GSE1: variants seen among roughly 807,000 people sequenced by gnomAD.
The protein encoded by GSE1 is Gse1 coiled-coil protein.
Under a neutral mutation model 112.6 loss-of-function variants are expected in GSE1, and 32 were observed. That is an observed-to-expected ratio of 0.28 (90% CI 0.21 to 0.38). The LOEUF (loss-of-function observed/expected upper bound fraction) is 0.38, where lower values mean the gene tolerates loss of function less well. Among genes scored for constraint, GSE1 ranks in the 10% least tolerant of loss-of-function variants. The pLI is 1.00. For synonymous variants in GSE1, 1,115 were observed against 735.6 expected (o/e 1.52, Z -8.35); for missense variants, 2,348 against 1,699.2 (o/e 1.38, Z -6.71).
At chr16:85,483,971 A>G (rs1567526051) in intron 2 of GSE1, among the ~76,000 whole-genome samples, 1 of 152,010 alleles carries the variant, frequency 6.6e-6, no homozygotes, top group Non-Finnish European at 1.5e-5. Context: ...GTTGGAGGAA[A>G]CCTCCTCAGC....
intron 2 of GSE1, among the ~76,000 whole-genome samples, chr16:85,515,315 A>G (rs774911875): frequency 2.0e-4 from 30 of 152,258 alleles, no homozygotes; most frequent in Non-Finnish European, 3.4e-4. Context: ...GCCTGGTCTC[A>G]GCCCACGCTC....
intron 2 of GSE1, among the ~76,000 whole-genome samples, chr16:85,477,969 CAG>C (rs1356600108): frequency 6.6e-6 from 1 of 152,156 alleles, no homozygotes; most frequent in African/African-American, 2.4e-5. Context: ...GACCTCATTT[CAG>C]AACGTTCCCG....
chr16:85,221,030 C>G (rs901817411), intron 1 of GSE1, among the ~76,000 whole-genome samples: 35 of 151,746 alleles, frequency 2.3e-4, no homozygotes, highest in African/African-American at 7.7e-4. Flanking sequence ...ATTCAGCGTC[C>G]TCCGGGCTGC....
chr16:85,442,670 G>T (rs930285255), intron 2 of GSE1, among the ~76,000 whole-genome samples: 10 of 152,184 alleles, frequency 6.6e-5, no homozygotes, highest in Non-Finnish European at 1.2e-4. Flanking sequence ...CACCCAGGTG[G>T]CATCGTGAGC....
upstream of GSE1, among the ~76,000 whole-genome samples, chr16:85,609,190 C>T (rs1257386499): frequency 2.0e-5 from 3 of 152,190 alleles, no homozygotes; most frequent in African/African-American, 7.2e-5. Flanking sequence ...TTGAAGTGTC[C>T]CCTCTGTCAG....
intron 1 of GSE1, among the ~76,000 whole-genome samples, chr16:85,200,359 A>C (rs1202632825): frequency 6.7e-6 from 1 of 149,824 alleles, no homozygotes; most frequent in East Asian, 2.0e-4. Context: ...ATGAATGTTT[A>C]TGGAGCATTT....
At position 85,674,380 on chromosome 16, in the gene GSE1, T is replaced by G. The variant is rs1011512800; in HGVS notation, c.*1841T>G. On this transcript the variant is annotated 3_prime_UTR_variant, in exon 16 of 16. Coordinates refer to ENST00000253458, the MANE Select transcript of GSE1 (RefSeq NM_014615.5). Reference sequence around the variant, plus strand: ...TCAGCAGTCAACAAGCACCTTCCTCTCCACAGAAGCAGCTGGAAGAGAACT... The same window carrying G: ...TCAGCAGTCAACAAGCACCTTCCTCGCCACAGAAGCAGCTGGAAGAGAACT... The G allele has an allele frequency of 6.6e-6, 1 of 152,186 alleles. No homozygotes were observed. The highest frequency in any genetic ancestry group is 2.4e-5 in the African/African-American group (1 of 41,440). The allele number at this position is 152,186 out of a possible 1,614,324, so 9.4% of individuals were successfully genotyped here.
chr16:85,357,866 C>T (rs770112413), intron 2 of GSE1, among the ~76,000 whole-genome samples: 2 of 152,100 alleles, frequency 1.3e-5, no homozygotes, highest in Non-Finnish European at 2.9e-5. Flanking sequence ...CCCTGGTTCT[C>T]GATACTCTCG....
rs372447672 is a variant in GSE1 at position 85,654,370 on chromosome 16, C to T, written c.519C>T (p.Pro173=). 71 of 1,612,130 alleles carry T rather than the reference C, an allele frequency of 4.4e-5. No individual in the cohort carries two copies. In the Middle Eastern group the frequency reaches 6.6e-4, roughly 15 times the overall value. The part of the protein sequence containing the change: ...PQEKAGGPAI[P]SHLLSTPYPF... Reference sequence around the variant, plus strand: ...AGAAGGCAGGGGGACCAGCCATCCCCTCGCACCTGCTCAGCACCCCCTACC... The same window carrying T: ...AGAAGGCAGGGGGACCAGCCATCCCTTCGCACCTGCTCAGCACCCCCTACC... The change falls in exon 4 of 16, where the codon CCC becomes CCT. Residue 173 remains proline (P), a synonymous_variant. Coordinates refer to ENST00000253458, the MANE Select transcript of GSE1 (RefSeq NM_014615.5).
At chr16:85,396,334 T>C (rs145048997) in intron 2 of GSE1, among the ~76,000 whole-genome samples, 2 of 152,324 alleles carry the variant, frequency 1.3e-5, no homozygotes, top group Admixed American at 1.3e-4. Flanking sequence ...ACAGGAAATA[T>C]TAGGCCGTGG....
intron 1 of GSE1, among the ~76,000 whole-genome samples, chr16:85,583,757 C>G (rs1425269473): frequency 1.3e-5 from 2 of 152,162 alleles, no homozygotes; most frequent in Non-Finnish European, 2.9e-5. Context: ...GAGGCCTCAC[C>G]CGCCCCCCGT....
At chr16:85,319,778 T>C (rs905685712) in intron 1 of GSE1, among the ~76,000 whole-genome samples, 2 of 152,230 alleles carry the variant, frequency 1.3e-5, no homozygotes, top group African/African-American at 4.8e-5. Context: ...TTACATCTTA[T>C]ACCTTTTAGA....
chr16:85,417,567 T>C (rs1343628161), intron 2 of GSE1, among the ~76,000 whole-genome samples: 1 of 152,170 alleles, frequency 6.6e-6, no homozygotes, highest in Non-Finnish European at 1.5e-5. Flanking sequence ...GCCTCCAGAG[T>C]GTCTGCATCA....
At chr16:85,381,017 G>T (rs554113824) in intron 2 of GSE1, among the ~76,000 whole-genome samples, 1 of 152,352 alleles carries the variant, frequency 6.6e-6, no homozygotes, top group East Asian at 1.9e-4. Context: ...GACCTTCACA[G>T]TGCTGTGCAA....
intron 2 of GSE1, among the ~76,000 whole-genome samples, chr16:85,511,504 G>A (rs2051744986): frequency 6.7e-6 from 1 of 150,266 alleles, no homozygotes; most frequent in African/African-American, 2.5e-5. Context: ...CTCCAGCCTG[G>A]GCAACAAGAG....
intron 1 of GSE1, chr16:85,594,225 TG>T (rs1264211252): frequency 0.02 from 14 of 698 alleles, no homozygotes; most frequent in Middle Eastern, 0.5. Flanking sequence ...GCCCGATCCC[TG>T]GGGGGTTGGG....
At chr16:85,556,152 G>A (rs200267487) in exon 1 of GSE1, 18 of 800,248 alleles carry the variant, frequency 2.2e-5, no homozygotes, top group Non-Finnish European at 2.5e-5. Flanking sequence ...GCGGGGGGGG[G>A]AAAGACTGAT....
chr16:85,367,740 A>G (rs1177191510), intron 2 of GSE1, among the ~76,000 whole-genome samples: 1 of 152,170 alleles, frequency 6.6e-6, no homozygotes, highest in Non-Finnish European at 1.5e-5. Flanking sequence ...CAGTGCACAT[A>G]ATAGGTGCTC....
rs116554042 is a variant in GSE1, at chr16:85,447,922, T to A, written c.2464+90279T>A. On this transcript the variant is annotated intron_variant, in intron 2 of 2. Transcript: ENST00000637419. Reference sequence around the variant, plus strand: ...CACACAGCTTCTCACTGCCAGCTCCTGGTGGGCGACTCGAGGCAGCTGCTG... The same window carrying A: ...CACACAGCTTCTCACTGCCAGCTCCAGGTGGGCGACTCGAGGCAGCTGCTG... 4.9e-3 allele frequency among the ~76,000 whole-genome samples: 749 copies of A among 152,308 alleles called. 8 individuals are homozygous for A. Among genetic ancestry groups the A allele is most frequent in the African/African-American group, 0.017 (719 of 41,562 alleles).
Sources: allele counts gnomAD v4.1 joint callset (sites outside exome capture counted in the v4.1 genomes callset), GRCh38; gene constraint gnomAD v4.1.1; transcripts MANE v1.5; gene names NCBI Gene and HGNC (gene_info 2026-07-23, HGNC 2026-07-21).